ZNF385D: variants seen among roughly 807,000 people sequenced by gnomAD.
ZNF385D encodes zinc finger protein 659.
In ZNF385D, 15 loss-of-function variants were observed where a neutral mutation model predicts 35.8. The ratio of observed to expected loss-of-function variants is 0.42; its 90% CI spans 0.28 to 0.64. The LOEUF (loss-of-function observed/expected upper bound fraction) is 0.64. ZNF385D is among the 30% of genes least tolerant of loss of function. The pLI is 0.23. For missense variants in ZNF385D, 474 were observed against 494.6 expected, an observed-to-expected ratio of 0.96 and a Z score of 0.39; for synonymous variants, 212 against 186.8, an observed-to-expected ratio of 1.13 and a Z score of -1.10.
chr3:22,339,703 T>A (rs1441325579), intron 2 of ZNF385D, among the ~76,000 whole-genome samples: 3 of 152,238 alleles, frequency 2.0e-5, no homozygotes, highest in Non-Finnish European at 2.9e-5. Flanking sequence ...AATGCTCACC[T>A]GCTTTATGTG....
intron 3 of ZNF385D, among the ~76,000 whole-genome samples, chr3:21,868,400 G>A (rs1490858703): frequency 6.6e-6 from 1 of 152,112 alleles, no homozygotes; most frequent in African/African-American, 2.4e-5. Flanking sequence ...TGAGTATATA[G>A]CTACTCTAAG....
chr3:21,850,309 TA>T (rs1360157639), intron 3 of ZNF385D, among the ~76,000 whole-genome samples: 1 of 152,066 alleles, frequency 6.6e-6, no homozygotes, highest in Non-Finnish European at 1.5e-5. Context: ...AATATGGGAT[TA>T]TGATCCCTGA....
At chr3:21,728,623 A>T (rs1189823948) in intron 1 of ZNF385D, among the ~76,000 whole-genome samples, 1 of 152,160 alleles carries the variant, frequency 6.6e-6, no homozygotes, top group African/African-American at 2.4e-5. Flanking sequence ...AGTGCAGTTA[A>T]TTCTTACAGC....
chr3:22,204,624 A>T (rs1697023988), intron 2 of ZNF385D, among the ~76,000 whole-genome samples: 1 of 151,428 alleles, frequency 6.6e-6, no homozygotes, highest in Non-Finnish European at 1.5e-5. Context: ...AAATACAGAG[A>T]AAGAATTTAG....
chr3:21,784,245 T>C (rs12487803), intron 3 of ZNF385D, among the ~76,000 whole-genome samples: 73,871 of 152,040 alleles, frequency 0.49, 18,988 homozygotes, highest in Middle Eastern at 0.6. Context: ...TAATTGGCCA[T>C]TGGGTAGATA....
intron 3 of ZNF385D, among the ~76,000 whole-genome samples, chr3:22,033,835 A>G (rs1022670788): frequency 6.6e-6 from 1 of 152,190 alleles, no homozygotes; most frequent in Non-Finnish European, 1.5e-5. Flanking sequence ...ACCAAGCACT[A>G]TGACTAAAAA....
At chr3:21,675,042 A>G (rs1227649752) in intron 1 of ZNF385D, among the ~76,000 whole-genome samples, 1 of 152,070 alleles carries the variant, frequency 6.6e-6, no homozygotes, top group Non-Finnish European at 1.5e-5. Context: ...TGTCCAAATT[A>G]ACAATGGTGT....
chr3:21,925,472 A>G (rs1700679598), intron 3 of ZNF385D, among the ~76,000 whole-genome samples: 1 of 152,236 alleles, frequency 6.6e-6, no homozygotes, highest in South Asian at 2.1e-4. Context: ...AATTAGCTCA[A>G]AATGAAACAT....
chr3:21,549,286 G>A (rs552638412), intron 3 of ZNF385D, among the ~76,000 whole-genome samples: 1 of 152,158 alleles, frequency 6.6e-6, no homozygotes, highest in African/African-American at 2.4e-5. Flanking sequence ...TAATATTGGG[G>A]TTTTATTTTT....
At chr3:21,859,607 G>T (rs746222887) in intron 3 of ZNF385D, among the ~76,000 whole-genome samples, 7 of 151,148 alleles carry the variant, frequency 4.6e-5, no homozygotes, top group Non-Finnish European at 1.0e-4. Flanking sequence ...GCTGCCTGCA[G>T]ACCTCTCCTC....
intron 2 of ZNF385D, chr3:22,372,443 A>G (rs896952413): frequency 4.7e-5 from 46 of 985,240 alleles, no homozygotes; most frequent in Non-Finnish European, 5.5e-5. Context: ...TTTTGCACTC[A>G]ACTTACCGCG....
chr3:21,458,328 A>G (rs1007999950), intron 4 of ZNF385D, among the ~76,000 whole-genome samples: 1 of 150,978 alleles, frequency 6.6e-6, no homozygotes, highest in Non-Finnish European at 1.5e-5. Flanking sequence ...AAAAAAAAAA[A>G]GCAAATTATC....
intron 3 of ZNF385D, among the ~76,000 whole-genome samples, chr3:22,029,423 G>A (rs1250223496): frequency 6.6e-6 from 1 of 152,180 alleles, no homozygotes; most frequent in Non-Finnish European, 1.5e-5. Context: ...AGGAATGAAG[G>A]TTTGGTTTAC....
chr3:21,814,635 A>G (rs2073070721), intron 3 of ZNF385D, among the ~76,000 whole-genome samples: 1 of 152,226 alleles, frequency 6.6e-6, no homozygotes, highest in African/African-American at 2.4e-5. Context: ...AGAGCTAACT[A>G]TCCTAAATAT....
intron 3 of ZNF385D, chr3:21,979,487 G>C (rs1694282514): frequency 6.6e-6 from 1 of 152,140 alleles, no homozygotes; most frequent in African/African-American, 2.4e-5. Flanking sequence ...CAATAAGTAA[G>C]TTTTCCTCTA....
intron 2 of ZNF385D, among the ~76,000 whole-genome samples, chr3:22,295,187 G>A (rs889959544): frequency 6.6e-6 from 1 of 152,094 alleles, no homozygotes; most frequent in African/African-American, 2.4e-5. Context: ...GAATAATAAA[G>A]TGTAAAGATT....
intron 2 of ZNF385D, among the ~76,000 whole-genome samples, chr3:22,247,939 C>T (rs2125324431): frequency 6.6e-6 from 1 of 152,134 alleles, no homozygotes; most frequent in African/African-American, 2.4e-5. Flanking sequence ...AGGCAGATTT[C>T]CATGGATTCA....
chr3:21,888,309 C>T (rs1294017908), intron 3 of ZNF385D, among the ~76,000 whole-genome samples: 1 of 151,574 alleles, frequency 6.6e-6, no homozygotes, highest in African/African-American at 2.4e-5. Flanking sequence ...TGGTATATTG[C>T]AAAGAGAGAA....
intron 3 of ZNF385D, among the ~76,000 whole-genome samples, chr3:22,093,249 GA>G (rs1256240633): frequency 6.6e-6 from 1 of 151,962 alleles, no homozygotes; most frequent in East Asian, 1.9e-4. Context: ...ACATTTTTTA[GA>G]AAAAAGTAAA....
Sources: gnomAD v4.1 joint callset for allele counts (sites outside exome capture counted in the v4.1 genomes callset) on GRCh38, gnomAD v4.1.1 for gene constraint, MANE v1.5 for transcripts, NCBI Gene and HGNC (gene_info 2026-07-23, HGNC 2026-07-21) for gene names.